Variants in CD2AP observed in about 807,000 individuals in gnomAD.
CD2AP encodes CD2-associated protein.
CD2AP carries 46 observed loss-of-function variants against 85.1 expected under a neutral mutation model. That is an observed-to-expected ratio of 0.54 (90% CI 0.43 to 0.69). The LOEUF is 0.69. CD2AP is among the 30% of genes least tolerant of loss of function. The probability of loss-of-function intolerance (pLI) is 0.00; values close to 1 mark genes in which losing one functional copy is unlikely to be tolerated. For synonymous variants in CD2AP, 255 were observed against 252.9 expected (o/e 1.01, Z -0.08); for missense variants, 769 against 729.5 (o/e 1.05, Z -0.62).
rs541706239 is a variant in CD2AP, at chr6:47,528,715, G to T, written c.166-4887G>T. Among the ~76,000 whole-genome samples, 6 of 152,238 alleles carry T rather than the reference G, an allele frequency of 3.9e-5. No individual in the cohort carries two copies. In the South Asian group the frequency reaches 1.0e-3, roughly 26 times the overall value. On this transcript the variant is annotated intron_variant, in intron 2 of 17. Coordinates refer to ENST00000359314, the MANE Select transcript of CD2AP (RefSeq NM_012120.3). ...TACTGATTTTTTAGTCACAAAAAGG[G>T]TCACAAGTTTAGAGGTAAGTCTCTT...
chr6:47,517,329 C>T (rs113207920), intron 2 of CD2AP, among the ~76,000 whole-genome samples: 137 of 151,286 alleles, frequency 9.1e-4, no homozygotes, highest in East Asian at 5.0e-3. Flanking sequence ...GTCACCCAGG[C>T]GGGAGTGCAG....
Position 47,554,664 on chromosome 6 carries a change from A to G in CD2AP, c.439A>G (p.Ser147Gly), listed in dbSNP as rs777620356. 1 of 1,613,766 alleles carries G rather than the reference A, an allele frequency of 6.2e-7. No homozygotes were observed. Among genetic ancestry groups the G allele is most frequent in the African/African-American group, 1.3e-5 (1 of 75,036 alleles). The change falls in exon 5 of 18, where the codon AGT becomes GGT. Residue 147 changes from serine (S) to glycine (G), a missense_variant. By Grantham distance (56) the Ser-to-Gly change is moderately conservative. Transcript: ENST00000359314. Reference sequence around the variant, plus strand: ...TTTTCAGGTAGAAGAAGGCTGGTGGAGTGGAACCCTGAATAACAAGTTGGG... The same window carrying G: ...TTTTCAGGTAGAAGAAGGCTGGTGGGGTGGAACCCTGAATAACAAGTTGGG... ...INEEVEEGWWSGTLNNKLGLF... is the reference protein window; with the variant it reads ...INEEVEEGWWGGTLNNKLGLF...
In CD2AP at chr6:47,579,457, G is replaced by A. The variant is rs1768411066; in HGVS notation, c.976G>A (p.Val326Ile). 2 of 1,610,828 alleles carry A rather than the reference G, an allele frequency of 1.2e-6. No homozygotes were observed. Among genetic ancestry groups the A allele is most frequent in the Non-Finnish European group, 1.7e-6 (2 of 1,177,072 alleles). Reference protein sequence around the residue: ...KEGVFPDNFAVQINELDKDFP... With the variant: ...KEGVFPDNFAIQINELDKDFP... Reference sequence around the variant, plus strand: ...AGGAGTATTTCCAGACAATTTTGCTGTCCAGATAAATGAACTTGATAAAGA... The same window carrying A: ...AGGAGTATTTCCAGACAATTTTGCTATCCAGATAAATGAACTTGATAAAGA... Residue 326 changes from valine to isoleucine, a missense_variant, in exon 9 of 18, where the codon GTC (valine) becomes ATC (isoleucine). Coordinates refer to ENST00000359314, the MANE Select transcript of CD2AP (RefSeq NM_012120.3).
At chr6:47,610,971 A>ATATATATATATATATATATTTT in intron 16 of CD2AP, among the ~76,000 whole-genome samples, 22 of 112,864 alleles carry the variant, frequency 1.9e-4, no homozygotes, top group Admixed American at 3.6e-4. Context: ...ATATATATGT[A>ATATATATATATATATATATTTT]TTTTTTTTTT....
At chr6:47,527,057 A>G (rs1179235130) in intron 2 of CD2AP, among the ~76,000 whole-genome samples, 3 of 152,012 alleles carry the variant, frequency 2.0e-5, no homozygotes, top group Non-Finnish European at 2.9e-5. Context: ...GTACTTAGTA[A>G]TTTTTCAAAA....
At chr6:47,556,229 C>A (rs572636285) in intron 5 of CD2AP, among the ~76,000 whole-genome samples, 24 of 149,574 alleles carry the variant, frequency 1.6e-4, no homozygotes, top group Non-Finnish European at 2.8e-4. Flanking sequence ...CCCCCCTCCC[C>A]CTGATAGGCC....
chr6:47,505,124 C>G (rs1162690376), intron 2 of CD2AP, among the ~76,000 whole-genome samples: 2 of 92,152 alleles, frequency 2.2e-5, no homozygotes, highest in African/African-American at 3.7e-5. Context: ...GGAAGGTCAG[C>G]AGATAAACAA....
At chr6:47,576,770 T>C (rs946430291) in intron 7 of CD2AP, among the ~76,000 whole-genome samples, 168 bp downstream of exon 7, 10 of 152,230 alleles carry the variant, frequency 6.6e-5, no homozygotes, top group Non-Finnish European at 1.3e-4. Context: ...GGTTGATGGA[T>C]GTATCTCCTT....
intron 8 of CD2AP, 53 bp from the exon 9 acceptor site, chr6:47,579,332 C>CT (rs1356858329): frequency 3.7e-6 from 2 of 547,444 alleles, no homozygotes; most frequent in Non-Finnish European, 5.9e-6. Context: ...AACACTTTAT[C>CT]TTAAAAAAAA....
chr6:47,566,418 GT>G (rs1288175956), intron 5 of CD2AP, among the ~76,000 whole-genome samples: 4 of 151,212 alleles, frequency 2.6e-5, no homozygotes, highest in Admixed American at 1.3e-4. Context: ...ACAGTGAATA[GT>G]TTTTTGTGGT....
intron 12 of CD2AP, among the ~76,000 whole-genome samples, chr6:47,598,014 T>C (rs1050901001): frequency 1.3e-5 from 2 of 150,792 alleles, no homozygotes; most frequent in African/African-American, 4.8e-5. Context: ...CCTTCCTAAG[T>C]CACAGCCCTT....
intron 3 of CD2AP, among the ~76,000 whole-genome samples, chr6:47,541,003 C>CA (rs1185443046): frequency 2.0e-5 from 3 of 152,018 alleles, no homozygotes; most frequent in Non-Finnish European, 4.4e-5. Context: ...CTATAGCACG[C>CA]AAAAAACTAT....
chr6:47,538,310 C>T (rs750677587), intron 3 of CD2AP, among the ~76,000 whole-genome samples: 5 of 152,068 alleles, frequency 3.3e-5, no homozygotes, highest in African/African-American at 4.8e-5. Flanking sequence ...GCCATGATCT[C>T]GGCTCACTGC....
At chr6:47,532,374 TATAC>T (rs1358417338) in intron 2 of CD2AP, among the ~76,000 whole-genome samples, 6 of 118,668 alleles carry the variant, frequency 5.1e-5, no homozygotes, top group African/African-American at 7.2e-5. Context: ...TATATATATG[TATAC>T]ACACACACAC....
At chr6:47,530,084 C>T (rs1389003558) in intron 2 of CD2AP, among the ~76,000 whole-genome samples, 1 of 152,198 alleles carries the variant, frequency 6.6e-6, no homozygotes, top group South Asian at 2.1e-4. Flanking sequence ...ATGTCACTTT[C>T]TCTGAGAAGT....
chr6:47,574,570 TTTAG>T (rs1383920013), intron 6 of CD2AP, among the ~76,000 whole-genome samples: 8 of 148,566 alleles, frequency 5.4e-5, no homozygotes, highest in Non-Finnish European at 8.9e-5. Context: ...TATATATAAA[TTTAG>T]TTATATATAT....
Position 47,612,493 on chromosome 6 carries a change from G to C in CD2AP, c.1835G>C (p.Arg612Pro). The stretch of plus-strand genomic sequence containing the variant: ...TTTAGGAAAGAACTGGAAAAACTGC[G>C]AAAAGATTTGGAAGAAGAGAAGACA... The part of the protein sequence containing the change: ...KDHGKELEKL[R>P]KDLEEEKTMR... Residue 612 changes from arginine (R) to proline (P), a missense_variant, in exon 17 of 18, where the codon CGA becomes CCA. Transcript: ENST00000359314. The C allele has an allele frequency of 6.2e-7, 1 of 1,605,824 alleles. No homozygotes were observed. The highest frequency in any genetic ancestry group is 8.5e-7 in the Non-Finnish European group (1 of 1,172,956).
Position 47,536,312 on chromosome 6 carries a change from A to G in CD2AP, c.319+2557A>G, listed in dbSNP as rs539264832. Among the ~76,000 whole-genome samples the G allele has an allele frequency of 6.8e-4, 103 of 152,054 alleles. 1 individual carries two copies. The highest frequency in any genetic ancestry group is 3.4e-3 in the Middle Eastern group (1 of 294). On this transcript the variant is annotated intron_variant, in intron 3 of 17. Transcript: ENST00000359314. Reference sequence around the variant, plus strand: ...TAAAAGTGGCTCATTGTATTGTTACATAGTAGCAGGATACAACTAACCAGT... The same window carrying G: ...TAAAAGTGGCTCATTGTATTGTTACGTAGTAGCAGGATACAACTAACCAGT...
chr6:47,539,745 A>G (rs1407244576), intron 3 of CD2AP, among the ~76,000 whole-genome samples: 1 of 152,192 alleles, frequency 6.6e-6, no homozygotes, highest in Non-Finnish European at 1.5e-5. Context: ...AAAGAAATGC[A>G]GTATGTCCCC....
Sources: gnomAD v4.1 joint callset for allele counts (sites outside exome capture counted in the v4.1 genomes callset) on GRCh38, gnomAD v4.1.1 for gene constraint, MANE v1.5 for transcripts, NCBI Gene and HGNC (gene_info 2026-07-23, HGNC 2026-07-21) for gene names.